The following MBP variants were observed in gnomAD, a reference collection of about 807,000 sequenced individuals.
MBP encodes the protein myelin basic protein, also known as Golli-MBP.
Under a neutral mutation model 35.8 loss-of-function variants are expected in MBP, and 16 were observed. The ratio of observed to expected loss-of-function variants is 0.45; its 90% CI spans 0.30 to 0.68. MBP has a LOEUF of 0.68. MBP is among the 30% of genes least tolerant of loss of function. The pLI, the probability that MBP is intolerant of heterozygous loss-of-function variation, is 0.08. For synonymous variants in MBP, 143 were observed against 159.6 expected (o/e 0.90, Z 0.78); for missense variants, 380 against 404.7 (o/e 0.94, Z 0.52).
At chr18:76,992,590 C>T (rs1689310385) in intron 4 of MBP, among the ~76,000 whole-genome samples, 1 of 152,204 alleles carries the variant, frequency 6.6e-6, no homozygotes, top group South Asian at 2.1e-4. Context: ...AGCTCTTTGT[C>T]CCCTGGGCCC....
intron 3 of MBP, among the ~76,000 whole-genome samples, chr18:77,063,019 C>T (rs367873994): frequency 6.6e-5 from 10 of 152,204 alleles, no homozygotes; most frequent in South Asian, 6.2e-4. Flanking sequence ...CTTGTGCTCA[C>T]GGGACATCAG....
intron 3 of MBP, among the ~76,000 whole-genome samples, chr18:77,035,525 C>T (rs903089085): frequency 3.9e-5 from 6 of 152,236 alleles, no homozygotes; most frequent in Admixed American, 1.3e-4. Context: ...AAGGCCAGTG[C>T]TCTCCCTGTG....
chr18:77,062,362 A>C (rs1974016651), intron 3 of MBP, among the ~76,000 whole-genome samples: 1 of 152,098 alleles, frequency 6.6e-6, no homozygotes, highest in Non-Finnish European at 1.5e-5. Flanking sequence ...GGGTCAGAAA[A>C]CGCTTAGCAG....
At chr18:77,047,060 A>G (rs1973287160) in intron 3 of MBP, among the ~76,000 whole-genome samples, 1 of 152,200 alleles carries the variant, frequency 6.6e-6, no homozygotes, top group Admixed American at 6.5e-5. Context: ...TGAAAGATAG[A>G]CATGAAAAGG....
rs540515509 is a variant in MBP, at chr18:77,033,992, C to G, written c.140-16724G>C. On this transcript the variant is annotated intron_variant, in intron 3 of 8. Coordinates refer to ENST00000355994, the MANE Select transcript of MBP (RefSeq NM_001025101.2). ...CCCGCTCCCCACTGCACCCCTCATC[C>G]GCAGTATGGTGGAGCCTATCTATGA... Among the ~76,000 whole-genome samples, 9 of 148,592 alleles carry G rather than the reference C, an allele frequency of 6.1e-5. No individual in the cohort carries two copies. The South Asian group carries it at 1.9e-3, about 31-fold the overall frequency.
rs118038803 is a variant in MBP at position 76,995,253 on chromosome 18, T to C, written c.577-5193A>G. ...AGAAGACTCAACATAGTAAAACTGTTGATTCTTTCCCCAAATCGATCTACA... is the reference window on the plus strand; with the variant it reads ...AGAAGACTCAACATAGTAAAACTGTCGATTCTTTCCCCAAATCGATCTACA... On this transcript the variant is annotated intron_variant, in intron 4 of 8. Transcript: ENST00000355994. Among the ~76,000 whole-genome samples the C allele has an allele frequency of 3.7e-3, 557 of 152,330 alleles. 1 individual carries two copies. The highest frequency in any genetic ancestry group is 6.0e-3 in the Non-Finnish European group (406 of 68,034).
At chr18:77,034,118 C>CAGGG (rs75150634) in intron 3 of MBP, among the ~76,000 whole-genome samples, 63,205 of 147,806 alleles carry the variant, frequency 0.43, 14,403 homozygotes, top group East Asian at 0.52. Flanking sequence ...AGCCTTTAGG[C>CAGGG]AGGGTTTTCT....
chr18:77,005,791 C>A (rs1418944862), intron 4 of MBP: 1 of 152,544 alleles, frequency 6.6e-6, no homozygotes. Context: ...TCCCCAGCAG[C>A]TCTGAGGGTG....
chr18:77,105,802 TAACA>T (rs1976257101), intron 1 of MBP, among the ~76,000 whole-genome samples: 1 of 152,248 alleles, frequency 6.6e-6, no homozygotes, highest in Non-Finnish European at 1.5e-5. Context: ...AAGGACAGCT[TAACA>T]GACAAGTGTC....
At chr18:76,990,318 G>T (rs28360810) in intron 4 of MBP, among the ~76,000 whole-genome samples, 5,333 of 152,138 alleles carry the variant, frequency 0.035, 310 homozygotes, top group African/African-American at 0.12. Context: ...GGGTTGGGAG[G>T]TGAAGAGTTA....
rs1241028415 is a variant in MBP, at chr18:76,979,195, CA to C, written c.*1231del. On this transcript the variant is annotated 3_prime_UTR_variant, in exon 9 of 9. Coordinates refer to ENST00000355994, the MANE Select transcript of MBP (RefSeq NM_001025101.2). ...GACTCTTTGGAAGGCCTATCAATCA[CA>C]GGTGCGCTAAAATCAAAAGGTGGGT... The C allele has an allele frequency of 5.3e-5, 8 of 152,370 alleles. No individual in the cohort carries two copies. In the East Asian group the frequency reaches 1.5e-3, roughly 29 times the overall value. 9.4% of individuals were successfully genotyped at this position (152,370 alleles called of 1,614,324 possible). A position where few individuals can be genotyped will look rare whatever the true frequency, so the allele number is the denominator to read the frequency against.
Position 76,979,833 on chromosome 18 carries a change from T to C in MBP, c.*594A>G. ...GGCCCCCTCTCTGTGCTGCCCCACG[T>C]TGGACTCTAACAGCTGCCCAGCCCG... On this transcript the variant is annotated 3_prime_UTR_variant, in exon 9 of 9. Coordinates refer to ENST00000355994, the MANE Select transcript of MBP (RefSeq NM_001025101.2). 3.1e-6 allele frequency: 2 copies of C among 639,684 alleles called. No homozygotes were observed. The highest frequency in any genetic ancestry group is 5.6e-6 in the Non-Finnish European group (2 of 355,468). 39.6% of individuals were successfully genotyped at this position (639,684 alleles called of 1,614,324 possible).
chr18:77,098,167 C>CTTT, intron 2 of MBP, among the ~76,000 whole-genome samples: 1 of 44,996 alleles, frequency 2.2e-5, no homozygotes, highest in East Asian at 9.7e-4. Flanking sequence ...ACAAGGACTT[C>CTTT]CTTTTTTTTT....
intron 4 of MBP, chr18:77,012,726 C>T (rs1971423168): frequency 1.1e-5 from 10 of 938,848 alleles, no homozygotes; most frequent in Non-Finnish European, 1.3e-5. Flanking sequence ...AGCACACTGA[C>T]GTGGTGGGGG....
intron 3 of MBP, among the ~76,000 whole-genome samples, chr18:77,022,190 C>T (rs761446857): frequency 6.6e-6 from 1 of 152,174 alleles, no homozygotes; most frequent in Non-Finnish European, 1.5e-5. Flanking sequence ...TTAACCTGCT[C>T]TCACATACAT....
rs10645727 is a variant in MBP, at chr18:77,085,683, G to GTTTTT, written c.52-19303_52-19299dup. 1.0e-3 allele frequency among the ~76,000 whole-genome samples: 127 copies of GTTTTT among 124,218 alleles called. 6 individuals carry two copies. Among genetic ancestry groups the GTTTTT allele is most frequent in the Middle Eastern group, 9.0e-3 (2 of 222 alleles). The allele number at this position is 124,218 out of a possible 152,430, so 81.5% of individuals were successfully genotyped here. Reference sequence around the variant, plus strand: ...TTTAATGTGAGCATCAGTGCAATAAGTTTTTTTTTTTTTTTTTTTGAGACA... The same window carrying GTTTTT: ...TTTAATGTGAGCATCAGTGCAATAAGTTTTTTTTTTTTTTTTTTTTTTTTGAGACA... On this transcript the variant is annotated intron_variant, in intron 2 of 8. Transcript: ENST00000355994.
intron 2 of MBP, among the ~76,000 whole-genome samples, chr18:77,084,664 T>C (rs537621404): frequency 2.6e-5 from 4 of 152,322 alleles, no homozygotes; most frequent in South Asian, 2.1e-4. Flanking sequence ...TGTATTCCCA[T>C]TGCAATGCAA....
chr18:76,993,084 G>C (rs1394513912), intron 4 of MBP, among the ~76,000 whole-genome samples: 1 of 152,238 alleles, frequency 6.6e-6, no homozygotes, highest in Non-Finnish European at 1.5e-5. Flanking sequence ...CTGTGACAGA[G>C]TTGCAGGCAC....
chr18:76,990,896 G>A (rs1463107391), intron 4 of MBP: 2 of 314,714 alleles, frequency 6.4e-6, no homozygotes, highest in Non-Finnish European at 1.3e-5. Context: ...TTCTATCACC[G>A]ACTCAGTGTG....
Sources: allele counts gnomAD v4.1 joint callset (sites outside exome capture counted in the v4.1 genomes callset), GRCh38; gene constraint gnomAD v4.1.1; transcripts MANE v1.5; gene names NCBI Gene and HGNC (gene_info 2026-07-23, HGNC 2026-07-21).